The following ITPRIPL1 variants were observed in gnomAD, a reference collection of about 807,000 sequenced individuals.
ITPRIPL1 encodes ITPRIP like 1.
A neutral mutation model predicts 40.0 loss-of-function variants in ITPRIPL1; 28 were observed. The ratio of observed to expected loss-of-function variants is 0.70; its 90% CI spans 0.52 to 0.96. The LOEUF is 0.96. Ranked by LOEUF, ITPRIPL1 falls within the 40% of genes least tolerant of loss-of-function variation. The probability of loss-of-function intolerance (pLI) is 0.00; values close to 1 mark genes in which losing one functional copy is unlikely to be tolerated. For missense variants in ITPRIPL1, 638 were observed against 698.0 expected, an observed-to-expected ratio of 0.91 and a Z score of 0.97; for synonymous variants, 251 against 275.7, an observed-to-expected ratio of 0.91 and a Z score of 0.89.
rs749880210 is a variant in ITPRIPL1, at chr2:96,327,054, T to TGAGGAGGAG, written c.432_440dup (p.Glu145_Glu147dup). On this transcript the variant is annotated inframe_insertion, in exon 3 of 3. Transcript: ENST00000439118. ...ATGAACCGGCCTTTGATTCCAGCAG[T>TGAGGAGGAG]GAGGAGGAGGAGGAGGAAGTCCGTG... 1 of 1,613,240 alleles carries TGAGGAGGAG rather than the reference T, an allele frequency of 6.2e-7. No individual in the cohort carries two copies. The highest frequency in any genetic ancestry group is 8.5e-7 in the Non-Finnish European group (1 of 1,179,398).
chr2:96,329,305 AATATTAAG>A (rs2064145045), downstream of ITPRIPL1: 2 of 151,184 alleles, frequency 1.3e-5, no homozygotes, highest in Non-Finnish European at 2.9e-5. Context: ...TTGATTCACA[AATATTAAG>A]TCAATAGTAA....
Position 96,328,325 on chromosome 2 carries a change from G to C in ITPRIPL1, c.*26G>C. On this transcript the variant is annotated 3_prime_UTR_variant, in exon 3 of 3. Coordinates refer to ENST00000439118, the MANE Select transcript of ITPRIPL1 (RefSeq NM_001008949.3). ...TGTAAAGACCATTAAAAAAAAAACA[G>C]AGGAAGGTATTTCTAATTCCTTGGG... The C allele has an allele frequency of 2.6e-6, 4 of 1,563,072 alleles. No homozygotes were observed. Among genetic ancestry groups the C allele is most frequent in the African/African-American group, 2.8e-5 (2 of 72,502 alleles).
intron 2 of ITPRIPL1, chr2:96,326,204 A>C (rs898652727): frequency 6.9e-7 from 1 of 1,449,166 alleles, no homozygotes; most frequent in Admixed American, 2.1e-5. Context: ...CTGCCGGGGC[A>C]GAGGAAAGGT....
intron 2 of ITPRIPL1, 161 bp from the exon 3 acceptor site, chr2:96,326,481 C>T (rs2064107946): frequency 1.3e-6 from 2 of 1,544,708 alleles, no homozygotes; most frequent in Admixed American, 3.9e-5. Flanking sequence ...TCCTCCCAGG[C>T]CGACCACCCT....
At chr2:96,329,140 A>G (rs1300280043), downstream of ITPRIPL1, 1 of 127,402 alleles carries the variant, frequency 7.8e-6, no homozygotes, top group Non-Finnish European at 1.6e-5. Flanking sequence ...TGTCTCAAAA[A>G]AAAAAAAATT....
At chr2:96,326,279 T>A (rs955617101) in intron 2 of ITPRIPL1, 64 of 1,445,146 alleles carry the variant, frequency 4.4e-5, no homozygotes, top group Non-Finnish European at 5.7e-5. Context: ...GCAGGTCATA[T>A]CTGGTGCCCA....
chr2:96,328,049 G>A lies in ITPRIPL1; in HGVS notation c.1418G>A (p.Arg473Gln), dbSNP rs1214563030. Residue 473 changes from arginine to glutamine, a missense_variant, in exon 3 of 3, where the codon CGG (arginine) becomes CAG (glutamine). Arg to Gln is a conservative substitution (Grantham distance 43). Coordinates refer to ENST00000439118, the MANE Select transcript of ITPRIPL1 (RefSeq NM_001008949.3). Reference protein sequence around the residue: ...TDWAHNMLSQRLQDILWFLGR... With the variant: ...TDWAHNMLSQQLQDILWFLGR... ...TGGGCCCACAACATGCTCTCTCAGCGGCTCCAGGACATTCTCTGGTTCTTG... is the reference window on the plus strand; with the variant it reads ...TGGGCCCACAACATGCTCTCTCAGCAGCTCCAGGACATTCTCTGGTTCTTG... The A allele has an allele frequency of 7.4e-6, 12 of 1,614,136 alleles. No homozygotes were observed. The highest frequency in any genetic ancestry group is 1.7e-5 in the Admixed American group (1 of 60,012).
chr2:96,326,260 CTGGGATCAGCA>C (rs1469269156), intron 2 of ITPRIPL1: 1 of 1,440,300 alleles, frequency 6.9e-7, no homozygotes, highest in Non-Finnish European at 9.2e-7. Context: ...AAGGGAGCCT[CTGGGATCAGCA>C]GGTCATATCT....
rs776751632 is a variant in ITPRIPL1, at chr2:96,327,592, TG to T, written c.963del (p.Trp321CysfsTer5). ...FHLDVCKTVQWFRNMMGNAWA... is the reference protein window; with the variant it reads ...FHLDVCKTVQXFRNMMGNAWA... ...CCTAGACGTGTGCAAGACTGTGCAG[TG>T]GTTCCGGAACATGATGGGCAATGCC... On this transcript the variant is annotated frameshift_variant, in exon 3 of 3. Transcript: ENST00000439118. LOFTEE classifies it high-confidence loss of function. 9.1e-5 allele frequency: 146 copies of T among 1,609,052 alleles called. 1 individual carries two copies. In the South Asian group the frequency reaches 1.1e-3, roughly 12 times the overall value.
At chr2:96,328,551 G>A (rs529682753), downstream of ITPRIPL1, 3 of 413,152 alleles carry the variant, frequency 7.3e-6, no homozygotes, top group South Asian at 7.6e-5. Context: ...AAGGTCCAGG[G>A]AAACGGATGT....
At chr2:96,328,439 C>A, downstream of ITPRIPL1, 1 of 805,676 alleles carries the variant, frequency 1.2e-6, no homozygotes, top group Admixed American at 2.9e-5. Flanking sequence ...CCTTAAGGAG[C>A]GTGTGAGGTG....
chr2:96,327,903 G>C lies in ITPRIPL1; in HGVS notation c.1272G>C (p.Gln424His), dbSNP rs1219758580. ...ACACCTGTCACCTCAAGTGCCTCCA[G>C]ATCATTTTAAGTCTCCGGCAGCATC... ...PENTCHLKCL[Q>H]IILSLRQHQS... Residue 424 changes from glutamine (Q) to histidine (H), a missense_variant, in exon 3 of 3, where the codon CAG (glutamine) becomes CAC (histidine). Physicochemically the swap from Gln to His is conservative, Grantham distance 24. Transcript: ENST00000439118. 4 of 1,613,862 alleles carry C rather than the reference G, an allele frequency of 2.5e-6. No individual in the cohort carries two copies. The highest frequency in any genetic ancestry group is 3.4e-6 in the Non-Finnish European group (4 of 1,180,008).
Position 96,328,211 on chromosome 2 carries a change from A to G in ITPRIPL1, c.1580A>G (p.Lys527Arg), listed in dbSNP as rs1400901834. The change falls in exon 3 of 3, where the codon AAG becomes AGG. Residue 527 changes from lysine (K) to arginine (R), a missense_variant. By Grantham distance (26) the Lys-to-Arg change is conservative. Coordinates refer to ENST00000439118, the MANE Select transcript of ITPRIPL1 (RefSeq NM_001008949.3). ...TTCCAACACCTGGTGCTCAACCCCAAGGCACATTCACAGGCAGTGGAAGAG... is the reference window on the plus strand; with the variant it reads ...TTCCAACACCTGGTGCTCAACCCCAGGGCACATTCACAGGCAGTGGAAGAG... Reference protein sequence around the residue: ...NLFQHLVLNPKAHSQAVEEFQ... With the variant: ...NLFQHLVLNPRAHSQAVEEFQ... The G allele has an allele frequency of 3.7e-6, 6 of 1,614,188 alleles. No individual in the cohort carries two copies. The Admixed American group carries it at 5.0e-5, about 13-fold the overall frequency.
At chr2:96,326,098 G>A in intron 2 of ITPRIPL1, 1 of 1,363,592 alleles carries the variant, frequency 7.3e-7, no homozygotes, top group East Asian at 2.5e-5. Context: ...CGCTCCCTGG[G>A]CAGAGAGGGA....
intron 2 of ITPRIPL1, 67 bp from the exon 3 acceptor site, chr2:96,326,575 G>C (rs376658705): frequency 8.1e-6 from 13 of 1,603,328 alleles, no homozygotes; most frequent in Non-Finnish European, 1.1e-5. Flanking sequence ...GGGCTCTGGG[G>C]AATGTGAGCT....
Position 96,327,572 on chromosome 2 carries a change from AC to A in ITPRIPL1, c.942del (p.Asp314GlufsTer12), listed in dbSNP as rs768694781. The A allele has an allele frequency of 6.2e-7, 1 of 1,612,034 alleles. No individual in the cohort carries two copies. Among genetic ancestry groups the A allele is most frequent in the South Asian group, 1.1e-5 (1 of 90,760 alleles). The stretch of plus-strand genomic sequence containing the variant: ...GCTCTCTGCACCGGCTTCCACCTAG[AC>A]GTGTGCAAGACTGTGCAGTGGTTCC... ...KAALCTGFHLDVCKTVQWFRN... is the reference protein window; with the variant it reads ...KAALCTGFHLXVCKTVQWFRN... On this transcript the variant is annotated frameshift_variant, in exon 3 of 3. Transcript: ENST00000439118. LOFTEE classifies it high-confidence loss of function.
At position 96,327,369 on chromosome 2, in the gene ITPRIPL1, C is replaced by T. The variant is rs778922233; in HGVS notation, c.738C>T (p.Gly246=). 2 of 1,614,140 alleles carry T rather than the reference C, an allele frequency of 1.2e-6. No individual in the cohort carries two copies. The highest frequency in any genetic ancestry group is 1.7e-5 in the Admixed American group (1 of 60,026). The change falls in exon 3 of 3, where the codon GGC becomes GGT. Residue 246 remains glycine (G), a synonymous_variant. Coordinates refer to ENST00000439118, the MANE Select transcript of ITPRIPL1 (RefSeq NM_001008949.3). The part of the protein sequence containing the change: ...DILVPIVPPQ[G]TMFVLEMRDP... ...TGGTGCCCATTGTCCCCCCACAGGGCACCATGTTTGTCCTGGAGATGAGGG... is the reference window on the plus strand; with the variant it reads ...TGGTGCCCATTGTCCCCCCACAGGGTACCATGTTTGTCCTGGAGATGAGGG...
rs1162682336 is a variant in ITPRIPL1 at position 96,325,491 on chromosome 2, C to T, written c.-168C>T. 4 of 398,436 alleles carry T rather than the reference C, an allele frequency of 1.0e-5. No individual in the cohort carries two copies. The highest frequency in any genetic ancestry group is 2.6e-5 in the South Asian group (1 of 37,952). 24.7% of individuals were successfully genotyped at this position (398,436 alleles called of 1,614,324 possible). Reference sequence around the variant, plus strand: ...GCCCCAGCGATGAACCGGACGCCCCCACCCTGCCGGGAAAAAAGCAGTGGC... The same window carrying T: ...GCCCCAGCGATGAACCGGACGCCCCTACCCTGCCGGGAAAAAAGCAGTGGC... On this transcript the variant is annotated 5_prime_UTR_variant, in exon 1 of 3. Transcript: ENST00000439118.
chr2:96,327,704 C>T lies in ITPRIPL1; in HGVS notation c.1073C>T (p.Ser358Leu), dbSNP rs2064127224. ...TGCAAGCTCCGGCTGGACTATCGCT[C>T]AGGCCGCTTTCTCTCAATCCACTTG... is the stretch of plus-strand genomic sequence containing the variant. ...TSCKLRLDYR[S>L]GRFLSIHLVL... The change falls in exon 3 of 3, where the codon TCA becomes TTA. Residue 358 changes from serine to leucine, a missense_variant. Coordinates refer to ENST00000439118, the MANE Select transcript of ITPRIPL1 (RefSeq NM_001008949.3). 2 of 1,613,132 alleles carry T rather than the reference C, an allele frequency of 1.2e-6. No homozygotes were observed. Among genetic ancestry groups the T allele is most frequent in the Admixed American group, 1.7e-5 (1 of 59,832 alleles).
Sources: allele counts gnomAD v4.1 joint callset, GRCh38; gene constraint gnomAD v4.1.1; transcripts MANE v1.5; gene names NCBI Gene and HGNC (gene_info 2026-07-23, HGNC 2026-07-21).